Variants in FBP1 observed in about 807,000 individuals in gnomAD.
The protein encoded by FBP1 is fructose-bisphosphatase 1, also known as fructose-1,6-bisphosphatase 1.
Under a neutral mutation model 29.9 loss-of-function variants are expected in FBP1, and 22 were observed. That is an observed-to-expected ratio of 0.74 (90% CI 0.53 to 1.05). FBP1 has a LOEUF of 1.05. FBP1 is among the 50% of genes least tolerant of loss of function. FBP1 has a pLI of 0.00. For missense variants in FBP1, 345 were observed against 448.2 expected, an observed-to-expected ratio of 0.77 and a Z score of 2.08; for synonymous variants, 175 against 178.6, an observed-to-expected ratio of 0.98 and a Z score of 0.16.
At chr9:94,638,644 A>C (rs1175145921) in intron 1 of FBP1, among the ~76,000 whole-genome samples, 2 of 151,652 alleles carry the variant, frequency 1.3e-5, no homozygotes, top group African/African-American at 2.4e-5. Context: ...CGGGGGGGAC[A>C]CTCGCTCCTA....
chr9:94,610,984 C>T (rs1827775568), intron 3 of FBP1, among the ~76,000 whole-genome samples: 1 of 152,138 alleles, frequency 6.6e-6, no homozygotes, highest in Admixed American at 6.6e-5. Flanking sequence ...CTGCCTCAGC[C>T]TCCCAAGTAG....
At chr9:94,624,796 T>C (rs1266187590) in intron 1 of FBP1, among the ~76,000 whole-genome samples, 1 of 152,230 alleles carries the variant, frequency 6.6e-6, no homozygotes. Flanking sequence ...TTCACATATT[T>C]CCAAATGGAA....
chr9:94,608,361 C>T (rs1475989371), intron 4 of FBP1, among the ~76,000 whole-genome samples: 1 of 152,200 alleles, frequency 6.6e-6, no homozygotes, highest in Non-Finnish European at 1.5e-5. Context: ...ACATTCAGGA[C>T]TGAGGAGGGC....
intron 1 of FBP1, among the ~76,000 whole-genome samples, chr9:94,624,108 G>C (rs1277390333): frequency 6.6e-6 from 1 of 151,718 alleles, no homozygotes; most frequent in Non-Finnish European, 1.5e-5. Flanking sequence ...GGCCGAGGTG[G>C]GTGGATCCAC....
At chr9:94,637,929 T>C (rs1003909227) in intron 1 of FBP1, among the ~76,000 whole-genome samples, 6 of 150,710 alleles carry the variant, frequency 4.0e-5, no homozygotes, top group Non-Finnish European at 7.4e-5. Context: ...CTAAAAAAAA[T>C]TACAAAATTA....
chr9:94,639,071 C>G (rs1828242292), intron 1 of FBP1, 70 bp downstream of exon 1: 2 of 1,491,544 alleles, frequency 1.3e-6, no homozygotes, highest in Non-Finnish European at 1.8e-6. Context: ...GAGGGCCCAA[C>G]GTCAGCCCGC....
In FBP1 at chr9:94,639,388, C is replaced by T; in HGVS notation, c.-78G>A. 1 of 1,506,258 alleles carries T rather than the reference C, an allele frequency of 6.6e-7. No homozygotes were observed. Among genetic ancestry groups the T allele is most frequent in the Non-Finnish European group, 9.0e-7 (1 of 1,106,502 alleles). The allele number at this position is 1,506,258 out of a possible 1,614,324, so 93.3% of individuals were successfully genotyped here. On this transcript the variant is annotated 5_prime_UTR_variant, in exon 1 of 7. Coordinates refer to ENST00000375326, the MANE Select transcript of FBP1 (RefSeq NM_000507.4). The stretch of plus-strand genomic sequence containing the variant: ...TGCAGGTGCGGGCGGCAAGAGAGGG[C>T]AGTAGGCACTGGCCGCAGGTGCGGA...
intron 3 of FBP1, among the ~76,000 whole-genome samples, chr9:94,612,528 T>C (rs1185369126): frequency 2.0e-5 from 3 of 150,882 alleles, no homozygotes; most frequent in Non-Finnish European, 4.4e-5. Flanking sequence ...TTGGAGGAAT[T>C]CTTTTCTAGC....
intron 1 of FBP1, among the ~76,000 whole-genome samples, chr9:94,633,107 T>TTTTTGTTTTTGTGTTG (rs1828127392): frequency 6.6e-6 from 1 of 152,296 alleles, no homozygotes; most frequent in Admixed American, 6.5e-5. Flanking sequence ...CTCCTCCTTG[T>TTTTTGTTTTTGTGTTG]TTTTGTTTTT....
Position 94,605,593 on chromosome 9 carries a change from GC to G in FBP1, c.706-18del. 1 of 1,612,894 alleles carries G rather than the reference GC, an allele frequency of 6.2e-7. No homozygotes were observed. Among genetic ancestry groups the G allele is most frequent in the Non-Finnish European group, 8.5e-7 (1 of 1,179,462 alleles). On this transcript the variant is annotated intron_variant, in intron 5 of 6. Transcript: ENST00000375326. ...TGAATTATCCTGCAAGTTAAGACCA[GC>G]AAGAATTAGGATTGCAGAAAATAAG...
In FBP1 at chr9:94,619,900, A is replaced by G. The variant is rs1349350876; in HGVS notation, c.333+429T>C. Among the ~76,000 whole-genome samples, 46 of 146,520 alleles carry G rather than the reference A, an allele frequency of 3.1e-4. No homozygotes were observed. The East Asian group carries it at 4.3e-3, about 14-fold the overall frequency. Reference sequence around the variant, plus strand: ...AAAAAAAAAAAAAAAAAAAAAAAAAAAAGAAGCAGAGACAGACCAATAGGG... The same window carrying G: ...AAAAAAAAAAAAAAAAAAAAAAAAAGAAGAAGCAGAGACAGACCAATAGGG... On this transcript the variant is annotated intron_variant, in intron 2 of 6. Coordinates refer to ENST00000375326, the MANE Select transcript of FBP1 (RefSeq NM_000507.4).
intron 6 of FBP1, among the ~76,000 whole-genome samples, chr9:94,604,589 G>GTGAT (rs1827668434): frequency 6.6e-6 from 1 of 151,632 alleles, no homozygotes; most frequent in Non-Finnish European, 1.5e-5. Context: ...TTCAGGACCA[G>GTGAT]CCTGGTCAAC....
intron 3 of FBP1, among the ~76,000 whole-genome samples, chr9:94,614,781 A>G (rs561207437): frequency 6.6e-6 from 1 of 152,334 alleles, no homozygotes; most frequent in African/African-American, 2.4e-5. Context: ...ATAGATGTCT[A>G]TGTTTATGCC....
chr9:94,618,455 T>TAA (rs59806476), intron 2 of FBP1, among the ~76,000 whole-genome samples: 29 of 74,586 alleles, frequency 3.9e-4, no homozygotes, highest in South Asian at 6.0e-4. Flanking sequence ...ACTCCTTCTG[T>TAA]AAAAAAAAAA....
intron 1 of FBP1, among the ~76,000 whole-genome samples, chr9:94,638,625 CG>C (rs3841716): frequency 0.76 from 105,262 of 138,278 alleles, 38,581 homozygotes; most frequent in African/African-American, 0.93. Context: ...AGCCTGCTTG[CG>C]GGGGGGGCGG....
At chr9:94,611,335 C>T (rs767866903) in intron 3 of FBP1, among the ~76,000 whole-genome samples, 2 of 152,332 alleles carry the variant, frequency 1.3e-5, no homozygotes, top group South Asian at 4.1e-4. Context: ...GCAGGGGCAT[C>T]TGTATCACGC....
chr9:94,616,775 G>T (rs1827869875), intron 3 of FBP1, among the ~76,000 whole-genome samples: 1 of 152,176 alleles, frequency 6.6e-6, no homozygotes, highest in African/African-American at 2.4e-5. Flanking sequence ...AAGAGCTAAA[G>T]CTAAGAGGAT....
intron 6 of FBP1, chr9:94,604,090 T>A: frequency 4.9e-6 from 1 of 204,514 alleles, no homozygotes; most frequent in Non-Finnish European, 1.0e-5. Flanking sequence ...GGGTTGGAAT[T>A]CAGTGTATTA....
At chr9:94,613,533 G>T (rs1827816160) in intron 3 of FBP1, among the ~76,000 whole-genome samples, 1 of 53,504 alleles carries the variant, frequency 1.9e-5, no homozygotes, top group African/African-American at 5.8e-5. Flanking sequence ...GGGAGGTCGA[G>T]GCGGGAGGAT....
Sources: gnomAD v4.1 joint callset for allele counts (sites outside exome capture counted in the v4.1 genomes callset) on GRCh38, gnomAD v4.1.1 for gene constraint, MANE v1.5 for transcripts, NCBI Gene and HGNC (gene_info 2026-07-23, HGNC 2026-07-21) for gene names.